Variants in TNR observed in about 807,000 individuals in gnomAD.
TNR encodes the protein tenascin-R.
TNR carries 45 observed loss-of-function variants against 150.4 expected under a neutral mutation model. The observed-to-expected ratio is 0.30, with a 90% CI of 0.24 to 0.38. The LOEUF is 0.38. Ranked by LOEUF, TNR falls within the 10% of genes least tolerant of loss-of-function variation. TNR has a pLI of 1.00. For synonymous variants in TNR, 687 were observed against 678.4 expected (o/e 1.01, Z -0.20); for missense variants, 1,544 against 1,759.1 (o/e 0.88, Z 2.19).
intron 2 of TNR, among the ~76,000 whole-genome samples, chr1:175,450,007 A>G (rs1656231322): frequency 1.3e-5 from 2 of 151,564 alleles, no homozygotes; most frequent in Non-Finnish European, 2.9e-5. Context: ...CACCATGCCT[A>G]TTTTCTCCCT....
At chr1:175,691,726 T>G (rs758513401) in intron 1 of TNR, among the ~76,000 whole-genome samples, 2 of 152,208 alleles carry the variant, frequency 1.3e-5, no homozygotes, top group African/African-American at 2.4e-5. Context: ...ACAGGCAGCC[T>G]GCAGCTGTGG....
intron 1 of TNR, among the ~76,000 whole-genome samples, chr1:175,592,117 A>C (rs1220230413): frequency 6.6e-6 from 1 of 152,236 alleles, no homozygotes; most frequent in Non-Finnish European, 1.5e-5. Context: ...CAATCTTTTG[A>C]AGACTCAGTT....
At chr1:175,417,515 C>T (rs180821408) in intron 2 of TNR, among the ~76,000 whole-genome samples, 43 of 152,198 alleles carry the variant, frequency 2.8e-4, no homozygotes, top group African/African-American at 6.7e-4. Context: ...AGGGACTGGT[C>T]GCATATTAAC....
intron 1 of TNR, among the ~76,000 whole-genome samples, chr1:175,684,384 A>T (rs1356174487): frequency 6.6e-6 from 1 of 152,192 alleles, no homozygotes; most frequent in East Asian, 1.9e-4. Context: ...AATGGGTTTC[A>T]TCCATCTATC....
intron 4 of TNR, among the ~76,000 whole-genome samples, chr1:175,398,640 C>T (rs920079158): frequency 4.6e-5 from 7 of 152,200 alleles, no homozygotes; most frequent in South Asian, 2.1e-4. Context: ...TTCACCCTCT[C>T]ACCAACACCA....
chr1:175,437,073 C>A (rs1235405072), intron 2 of TNR, among the ~76,000 whole-genome samples: 4 of 152,220 alleles, frequency 2.6e-5, no homozygotes, highest in African/African-American at 4.8e-5. Context: ...ACAGAATATA[C>A]ATTCTTCTCA....
chr1:175,475,273 C>A (rs528493396), intron 2 of TNR, among the ~76,000 whole-genome samples: 1 of 152,310 alleles, frequency 6.6e-6, no homozygotes, highest in African/African-American at 2.4e-5. Flanking sequence ...CATTCTCTTA[C>A]ACCTTTCTGC....
intron 1 of TNR, among the ~76,000 whole-genome samples, chr1:175,696,225 T>TGTTGTTGTTG (rs751722733): frequency 2.3e-5 from 3 of 131,224 alleles, no homozygotes; most frequent in African/African-American, 9.0e-5. Flanking sequence ...TAGTTTTTTT[T>TGTTGTTGTTG]TTTTTTTTTT....
intron 9 of TNR, among the ~76,000 whole-genome samples, chr1:175,367,626 C>G (rs1045712053): frequency 1.3e-5 from 2 of 152,128 alleles, no homozygotes; most frequent in Non-Finnish European, 2.9e-5. Context: ...TTGGCTTGAA[C>G]CAGCGAGAGG....
chr1:175,589,076 C>T (rs1364569022), intron 1 of TNR, among the ~76,000 whole-genome samples: 1 of 152,070 alleles, frequency 6.6e-6, no homozygotes, highest in Non-Finnish European at 1.5e-5. Flanking sequence ...TAGTCAGTGT[C>T]CACAGTAATC....
At chr1:175,419,771 C>G (rs562234062) in intron 2 of TNR, among the ~76,000 whole-genome samples, 1 of 152,124 alleles carries the variant, frequency 6.6e-6, no homozygotes. Flanking sequence ...TGTGAGCCAC[C>G]GCACCTGGCC....
At chr1:175,476,030 C>T (rs765956568) in intron 2 of TNR, among the ~76,000 whole-genome samples, 7 of 152,294 alleles carry the variant, frequency 4.6e-5, no homozygotes, top group East Asian at 3.9e-4. Flanking sequence ...GAAGAGCAAA[C>T]GCAGCCCAAA....
chr1:175,387,808 C>A, intron 7 of TNR, among the ~76,000 whole-genome samples: 1 of 152,212 alleles, frequency 6.6e-6, no homozygotes, highest in East Asian at 1.9e-4. Flanking sequence ...CTTAGGCTGA[C>A]CTTGAGGCTT....
At chr1:175,660,825 C>T (rs963003866) in intron 1 of TNR, among the ~76,000 whole-genome samples, 2 of 152,116 alleles carry the variant, frequency 1.3e-5, no homozygotes, top group African/African-American at 4.8e-5. Flanking sequence ...GAGGGAAGTT[C>T]ATTCATCTCT....
At chr1:175,519,786 T>C (rs1240943640) in intron 2 of TNR, among the ~76,000 whole-genome samples, 3 of 152,212 alleles carry the variant, frequency 2.0e-5, no homozygotes, top group Non-Finnish European at 2.9e-5. Context: ...CCTAACATGC[T>C]TTCATCATTG....
chr1:175,719,493 C>A (rs139838870), intron 1 of TNR, among the ~76,000 whole-genome samples: 17 of 152,322 alleles, frequency 1.1e-4, no homozygotes, highest in African/African-American at 3.8e-4. Flanking sequence ...TACTTCATCT[C>A]CCTCAGTTTT....
At chr1:175,522,085 C>T (rs973870742) in intron 2 of TNR, among the ~76,000 whole-genome samples, 1 of 152,166 alleles carries the variant, frequency 6.6e-6, no homozygotes, top group African/African-American at 2.4e-5. Context: ...CCTTTAGCTG[C>T]CTTGCATTTC....
intron 12 of TNR, 131 bp from the exon 13 acceptor site, chr1:175,363,958 G>C: frequency 2.6e-6 from 3 of 1,145,374 alleles, no homozygotes; most frequent in Non-Finnish European, 3.6e-6. Context: ...CATGTAATAG[G>C]GTATCTTAAA....
At chr1:175,441,703 C>A (rs1655795284) in intron 2 of TNR, among the ~76,000 whole-genome samples, 1 of 152,126 alleles carries the variant, frequency 6.6e-6, no homozygotes, top group Non-Finnish European at 1.5e-5. Flanking sequence ...CACTACAATT[C>A]ATCTACCTAG....
Sources: allele counts gnomAD v4.1 joint callset (sites outside exome capture counted in the v4.1 genomes callset), GRCh38; gene constraint gnomAD v4.1.1; transcripts MANE v1.5; gene names NCBI Gene and HGNC (gene_info 2026-07-23, HGNC 2026-07-21).